Variants in SYNE2 observed in about 807,000 individuals in gnomAD.
SYNE2 encodes the protein nesprin-2.
A neutral mutation model predicts 856.3 loss-of-function variants in SYNE2; 431 were observed. The observed-to-expected ratio is 0.50, with a 90% CI of 0.47 to 0.55. The LOEUF is 0.55. SYNE2 is among the 20% of genes least tolerant of loss of function. The probability of loss-of-function intolerance (pLI) is 0.00; values close to 1 mark genes in which losing one functional copy is unlikely to be tolerated. For synonymous variants in SYNE2, 2,923 were observed against 2,872.3 expected, an observed-to-expected ratio of 1.02 and a Z score of -0.56; for missense variants, 8,129 against 8,023.2, an observed-to-expected ratio of 1.01 and a Z score of -0.50.
At chr14:64,096,232 G>A (rs1272637253) in intron 61 of SYNE2, among the ~76,000 whole-genome samples, 3 of 152,114 alleles carry the variant, frequency 2.0e-5, no homozygotes, top group Non-Finnish European at 2.9e-5. Context: ...AAGGAAAATG[G>A]AATTTTTTTT....
intron 6 of SYNE2, among the ~76,000 whole-genome samples, chr14:63,948,708 A>G (rs1338458148): frequency 1.8e-4 from 14 of 79,912 alleles, no homozygotes; most frequent in South Asian, 4.9e-4. Context: ...ATATATATGT[A>G]TATATATATG....
intron 55 of SYNE2, among the ~76,000 whole-genome samples, chr14:64,079,545 A>G (rs934399259): frequency 2.0e-5 from 3 of 152,214 alleles, no homozygotes; most frequent in Non-Finnish European, 2.9e-5. Flanking sequence ...TCTTAAGCAA[A>G]CATTAAGAAT....
chr14:64,168,116 T>TG (rs2098391227), intron 92 of SYNE2, among the ~76,000 whole-genome samples: 1 of 152,074 alleles, frequency 6.6e-6, no homozygotes, highest in African/African-American at 2.4e-5. Context: ...CTTTTTTTGG[T>TG]GGGGGGAGAC....
chr14:63,896,352 C>T (rs12588807), intron 1 of SYNE2, among the ~76,000 whole-genome samples: 2 of 152,114 alleles, frequency 1.3e-5, no homozygotes, highest in Non-Finnish European at 2.9e-5. Context: ...TGGGATCACA[C>T]TGAAATACAT....
intron 61 of SYNE2, among the ~76,000 whole-genome samples, chr14:64,095,732 AT>A (rs1202355725): frequency 6.6e-6 from 1 of 152,168 alleles, no homozygotes; most frequent in Non-Finnish European, 1.5e-5. Flanking sequence ...CATACTTTCC[AT>A]TTTTTCACAA....
At chr14:63,966,980 C>G (rs1258441080) in intron 10 of SYNE2, among the ~76,000 whole-genome samples, 1 of 152,180 alleles carries the variant, frequency 6.6e-6, no homozygotes, top group African/African-American at 2.4e-5. Context: ...ATTCTCCTGC[C>G]TCAGCCTCCC....
At chr14:64,026,922 T>C (rs1055831107) in intron 42 of SYNE2, among the ~76,000 whole-genome samples, 192 bp downstream of exon 42, 4 of 152,240 alleles carry the variant, frequency 2.6e-5, no homozygotes, top group African/African-American at 9.6e-5. Context: ...GGTATCACTG[T>C]AGAATAATTA....
At position 64,117,537 on chromosome 14, in the gene SYNE2, G is replaced by A. The variant is rs184787345; in HGVS notation, c.12841-1890G>A. ...GTCTCAAACTCCTGGCCTCAAGTGAGCCTCCTGCCTCAGCCTCCCGAAGTG... is the reference window on the plus strand; with the variant it reads ...GTCTCAAACTCCTGGCCTCAAGTGAACCTCCTGCCTCAGCCTCCCGAAGTG... On this transcript the variant is annotated intron_variant, in intron 66 of 115. Transcript: ENST00000555002. 3.9e-5 allele frequency among the ~76,000 whole-genome samples: 6 copies of A among 152,154 alleles called. No homozygotes were observed. The East Asian group carries it at 1.2e-3, about 29-fold the overall frequency.
intron 1 of SYNE2, among the ~76,000 whole-genome samples, chr14:63,862,400 C>T (rs548853395): frequency 3.3e-5 from 5 of 151,306 alleles, no homozygotes; most frequent in African/African-American, 1.2e-4. Flanking sequence ...CCTCCAGCCT[C>T]GTGTTTTGAT....
chr14:64,193,849 TAAAAC>T (rs963285717), intron 99 of SYNE2, among the ~76,000 whole-genome samples: 1 of 152,230 alleles, frequency 6.6e-6, no homozygotes, highest in African/African-American at 2.4e-5. Context: ...TTTGAATTCT[TAAAAC>T]AACACTGCAA....
intron 61 of SYNE2, among the ~76,000 whole-genome samples, chr14:64,093,706 C>T (rs908978000): frequency 5.3e-5 from 8 of 152,140 alleles, no homozygotes; most frequent in African/African-American, 1.2e-4. Context: ...ATTATAGCCC[C>T]TGATGTTTGA....
At chr14:63,788,176 T>C (rs1887607974) in intron 1 of SYNE2, among the ~76,000 whole-genome samples, 2 of 152,132 alleles carry the variant, frequency 1.3e-5, no homozygotes, top group Non-Finnish European at 2.9e-5. Context: ...GGAGCCATGC[T>C]GGGAGAGGAG....
chr14:63,921,064 G>A (rs2095595097), intron 2 of SYNE2, among the ~76,000 whole-genome samples: 1 of 152,126 alleles, frequency 6.6e-6, no homozygotes, highest in Admixed American at 6.6e-5. Flanking sequence ...GCAGTGAGCT[G>A]AGATCATGCC....
chr14:64,185,153 G>T, intron 96 of SYNE2, among the ~76,000 whole-genome samples: 1 of 152,204 alleles, frequency 6.6e-6, no homozygotes, highest in African/African-American at 2.4e-5. Flanking sequence ...AGCTACTCTG[G>T]AGGCTGAAGC....
chr14:63,880,137 C>T (rs2094825683), intron 1 of SYNE2, among the ~76,000 whole-genome samples: 1 of 152,140 alleles, frequency 6.6e-6, no homozygotes, highest in Non-Finnish European at 1.5e-5. Flanking sequence ...GTTGCCCAGA[C>T]TGGAGTGCAG....
At position 63,992,036 on chromosome 14, in the gene SYNE2, C is replaced by T. The variant is rs185999193; in HGVS notation, c.2646+921C>T. ...CATTTCAGCATTGCTTTTCCTATGA[C>T]CTTAGTAGCCCTTGTCTGCTTGATC... On this transcript the variant is annotated intron_variant, in intron 21 of 115. Transcript: ENST00000555002. 2.5e-3 allele frequency among the ~76,000 whole-genome samples: 386 copies of T among 152,140 alleles called. 6 individuals are homozygous for T. The highest frequency in any genetic ancestry group is 0.02 in the Admixed American group (304 of 15,280).
In SYNE2 at chr14:63,940,616, G is replaced by C; in HGVS notation, c.82G>C (p.Glu28Gln). The C allele has an allele frequency of 6.2e-7, 1 of 1,614,082 alleles. No homozygotes were observed. Among genetic ancestry groups the C allele is most frequent in the Non-Finnish European group, 8.5e-7 (1 of 1,179,990 alleles). Reference sequence around the variant, plus strand: ...TGCTGTTGTTCTTTCTTTGATAGCTGAACAGGAAGACACCCAGAAGAAAGC... The same window carrying C: ...TGCTGTTGTTCTTTCTTTGATAGCTCAACAGGAAGACACCCAGAAGAAAGC... ...IDDLHISLQA[E>Q]QEDTQKKAFT... Residue 28 changes from glutamate (E) to glutamine (Q), a missense_variant and splice_region_variant, in exon 3 of 116, where the codon GAA becomes CAA. Physicochemically the swap from Glu to Gln is conservative, Grantham distance 29 (BLOSUM62 2). Coordinates refer to ENST00000555002, the MANE Select transcript of SYNE2 (RefSeq NM_182914.3).
intron 94 of SYNE2, chr14:64,174,085 T>C: frequency 2.0e-6 from 1 of 509,992 alleles, no homozygotes; most frequent in Non-Finnish European, 3.4e-6. Context: ...TTTTTTTTTT[T>C]CCTTGAGACA....
chr14:64,219,394 G>GAGTGA lies in SYNE2; in HGVS notation c.19847_19851dup (p.Arg6618Ter). On this transcript the variant is annotated frameshift_variant, in exon 110 of 116. Coordinates refer to ENST00000555002, the MANE Select transcript of SYNE2 (RefSeq NM_182914.3). LOFTEE classifies it high-confidence loss of function. ...TCTGATATCCAGGAAATAGAACTGA[G>GAGTGA]AGTGAAGAGACTGCAGGTGAGTTAG... The GAGTGA allele has an allele frequency of 6.2e-7, 1 of 1,614,100 alleles. No homozygotes were observed. The highest frequency in any genetic ancestry group is 8.5e-7 in the Non-Finnish European group (1 of 1,180,030).
Sources: gnomAD v4.1 joint callset for allele counts (sites outside exome capture counted in the v4.1 genomes callset) on GRCh38, gnomAD v4.1.1 for gene constraint, MANE v1.5 for transcripts, NCBI Gene and HGNC (gene_info 2026-07-23, HGNC 2026-07-21) for gene names.